PIGB: variants seen among roughly 807,000 people sequenced by gnomAD.
PIGB encodes phosphatidylinositol glycan anchor biosynthesis class B.
In PIGB, 58 loss-of-function variants were observed where a neutral mutation model predicts 68.4. The ratio of observed to expected loss-of-function variants is 0.85; its 90% CI spans 0.69 to 1.06. The LOEUF is 1.06. Ranked by LOEUF, PIGB falls within the 50% of genes least tolerant of loss-of-function variation. The pLI, the probability that PIGB is intolerant of heterozygous loss-of-function variation, is 0.00. For missense variants in PIGB, 634 were observed against 655.8 expected (o/e 0.97, Z 0.36); for synonymous variants, 219 against 220.5 (o/e 0.99, Z 0.06).
intron 10 of PIGB, chr15:55,351,780 G>C (rs1397811657): frequency 6.9e-6 from 1 of 144,648 alleles, no homozygotes; most frequent in East Asian, 2.3e-4. Flanking sequence ...GCTGAGGCAG[G>C]AGAATGGCAT....
intron 5 of PIGB, 55 bp from the exon 6 acceptor site, chr15:55,333,812 T>C (rs1486015682): frequency 4.6e-6 from 6 of 1,294,696 alleles, no homozygotes; most frequent in Admixed American, 5.0e-5. Flanking sequence ...GTGTAAATGA[T>C]AGATAACTTC....
Position 55,355,219 on chromosome 15 carries a change from A to G in PIGB, c.1519-67A>G, listed in dbSNP as rs553776058. The G allele has an allele frequency of 2.5e-5, 32 of 1,302,624 alleles. No homozygotes were observed. In the South Asian group the frequency reaches 3.6e-4, roughly 15 times the overall value. 80.7% of individuals were successfully genotyped at this position (1,302,624 alleles called of 1,614,324 possible). ...GACAGCAATTAGAATAGGCAATTCT[A>G]AAATTGACTGAAACAGTACTCAGCA... On this transcript the variant is annotated intron_variant, in intron 11 of 11. Coordinates refer to ENST00000164305, the MANE Select transcript of PIGB (RefSeq NM_004855.5).
At position 55,333,872 on chromosome 15, in the gene PIGB, A is replaced by C. The variant is rs775201783; in HGVS notation, c.659A>C (p.Lys220Thr). 6.3e-7 allele frequency: 1 copy of C among 1,595,330 alleles called. No individual in the cohort carries two copies. Among genetic ancestry groups the C allele is most frequent in the Non-Finnish European group, 8.5e-7 (1 of 1,171,534 alleles). ...CACACATTTTCCTCTTATAGTGTCAAATACTCATCCCTGGTGGCACTTGCC... is the reference window on the plus strand; with the variant it reads ...CACACATTTTCCTCTTATAGTGTCACATACTCATCCCTGGTGGCACTTGCC... ...LEGSKSMNSV[K>T]YSSLVALAFI... Residue 220 changes from lysine (K) to threonine (T), a missense_variant, in exon 6 of 12, where the codon AAA becomes ACA. Transcript: ENST00000164305.
At chr15:55,351,194 G>A (rs1013623291) in intron 10 of PIGB, among the ~76,000 whole-genome samples, 5 of 146,606 alleles carry the variant, frequency 3.4e-5, no homozygotes, top group African/African-American at 1.3e-4. Context: ...TGCAAGCTCC[G>A]CCTCCCAGGT....
chr15:55,333,618 G>A (rs967853659), intron 5 of PIGB, among the ~76,000 whole-genome samples: 26 of 152,278 alleles, frequency 1.7e-4, no homozygotes, highest in African/African-American at 6.3e-4. Context: ...TGTAATCCCA[G>A]CTACTCGGGA....
intron 11 of PIGB, 68 bp from the exon 12 acceptor site, chr15:55,355,218 T>A: frequency 7.7e-7 from 1 of 1,296,268 alleles, no homozygotes. Flanking sequence ...TAGGCAATTC[T>A]AAAATTGACT....
chr15:55,323,497 A>G (rs1332790660), intron 3 of PIGB, among the ~76,000 whole-genome samples: 1 of 152,218 alleles, frequency 6.6e-6, no homozygotes, highest in Non-Finnish European at 1.5e-5. Flanking sequence ...TTAGAGCTGC[A>G]CTGTCCACCA....
At chr15:55,327,741 A>G in intron 4 of PIGB, 106 bp downstream of exon 4, 1 of 712,816 alleles carries the variant, frequency 1.4e-6, no homozygotes, top group Non-Finnish European at 2.5e-6. Context: ...GATAATTCAT[A>G]CAACTTTATA....
At chr15:55,322,491 C>T (rs1265914931) in intron 3 of PIGB, among the ~76,000 whole-genome samples, 2 of 152,072 alleles carry the variant, frequency 1.3e-5, no homozygotes, top group African/African-American at 4.8e-5. Flanking sequence ...AGCCTCACTC[C>T]CATGATCTTT....
intron 7 of PIGB, among the ~76,000 whole-genome samples, chr15:55,339,831 G>C (rs1254423320): frequency 1.3e-5 from 2 of 152,144 alleles, no homozygotes; most frequent in Admixed American, 1.3e-4. Flanking sequence ...AAAGACATAA[G>C]AATGATATAA....
At chr15:55,326,910 C>A (rs565285159) in intron 3 of PIGB, among the ~76,000 whole-genome samples, 33 of 151,964 alleles carry the variant, frequency 2.2e-4, no homozygotes, top group African/African-American at 7.5e-4. Context: ...AAATTAGGGC[C>A]AGGCACAGTG....
At chr15:55,327,380 G>A in intron 3 of PIGB, 151 bp from the exon 4 acceptor site, 1 of 592,172 alleles carries the variant, frequency 1.7e-6, no homozygotes, top group Non-Finnish European at 3.0e-6. Context: ...TAGGGATGTA[G>A]TTTTGTGGAA....
chr15:55,320,094 A>G (rs2055128543), intron 1 of PIGB, 181 bp from the exon 2 acceptor site: 1 of 446,772 alleles, frequency 2.2e-6, no homozygotes, highest in Non-Finnish European at 4.0e-6. Context: ...AGTGGCAGTC[A>G]CCCAGTGATG....
At chr15:55,339,816 G>C (rs1303626770) in intron 7 of PIGB, among the ~76,000 whole-genome samples, 1 of 152,168 alleles carries the variant, frequency 6.6e-6, no homozygotes, top group Non-Finnish European at 1.5e-5. Flanking sequence ...TAAGCTATGG[G>C]ATGCAAAGAC....
At chr15:55,343,242 G>A (rs1464000548) in intron 9 of PIGB, 1 of 151,982 alleles carries the variant, frequency 6.6e-6, no homozygotes, top group Non-Finnish European at 1.5e-5. Context: ...TACAAACGCA[G>A]GCACATACAA....
chr15:55,328,534 T>A (rs1352736655), intron 4 of PIGB, among the ~76,000 whole-genome samples: 1 of 152,242 alleles, frequency 6.6e-6, no homozygotes. Context: ...AAGATTGGTT[T>A]AGCAACTAAG....
At position 55,355,612 on chromosome 15, in the gene PIGB, A is replaced by G; in HGVS notation, c.*180A>G. The stretch of plus-strand genomic sequence containing the variant: ...TAGTATAAAATTACATGTTAATACA[A>G]TGCCAGATTTTAAATAAAGACCTTT... On this transcript the variant is annotated 3_prime_UTR_variant, in exon 12 of 12. Coordinates refer to ENST00000164305, the MANE Select transcript of PIGB (RefSeq NM_004855.5). The G allele has an allele frequency of 2.3e-6, 1 of 432,542 alleles. No individual in the cohort carries two copies. Among genetic ancestry groups the G allele is most frequent in the Non-Finnish European group, 4.0e-6 (1 of 248,554 alleles). 26.8% of individuals were successfully genotyped at this position (432,542 alleles called of 1,614,324 possible).
At chr15:55,342,106 A>AT (rs1447489605) in intron 9 of PIGB, among the ~76,000 whole-genome samples, 1 of 152,198 alleles carries the variant, frequency 6.6e-6, no homozygotes, top group African/African-American at 2.4e-5. Flanking sequence ...AGCCTACCAT[A>AT]TGGCAAGTCC....
At chr15:55,320,560 C>T (rs1432151069) in intron 2 of PIGB, 150 bp downstream of exon 2, 1 of 587,128 alleles carries the variant, frequency 1.7e-6, no homozygotes, top group Non-Finnish European at 2.9e-6. Context: ...GTAGACAGTA[C>T]CAAACTCTAT....
Sources: gnomAD v4.1 joint callset for allele counts (sites outside exome capture counted in the v4.1 genomes callset) on GRCh38, gnomAD v4.1.1 for gene constraint, MANE v1.5 for transcripts, NCBI Gene and HGNC (gene_info 2026-07-23, HGNC 2026-07-21) for gene names.